Variants in ZFHX3 observed in about 807,000 individuals in gnomAD.
The protein encoded by ZFHX3 is zinc finger homeobox 3, also known as zinc finger homeobox protein 3.
In ZFHX3, 42 loss-of-function variants were observed where a neutral mutation model predicts 279.1. The observed-to-expected ratio is 0.15, with a 90% CI of 0.12 to 0.19. ZFHX3 has a LOEUF of 0.19. ZFHX3 is among the 10% of genes least tolerant of loss of function. The pLI, the probability that ZFHX3 is intolerant of heterozygous loss-of-function variation, is 1.00. For synonymous variants in ZFHX3, 2,293 were observed against 1,957.8 expected, an observed-to-expected ratio of 1.17 and a Z score of -4.52; for missense variants, 4,981 against 4,754.0, an observed-to-expected ratio of 1.05 and a Z score of -1.40.
At chr16:73,042,985 T>C (rs371803420) in intron 1 of ZFHX3, among the ~76,000 whole-genome samples, 32 of 152,002 alleles carry the variant, frequency 2.1e-4, no homozygotes, top group African/African-American at 7.2e-4. Context: ...CGGCCCATCT[T>C]CTCAAGGTGT....
At chr16:73,181,095 GTT>G (rs57727276) in intron 5 of ZFHX3, among the ~76,000 whole-genome samples, 1 of 117,246 alleles carries the variant, frequency 8.5e-6, no homozygotes, top group African/African-American at 2.9e-5. Flanking sequence ...GTTTTGTTTT[GTT>G]TTGTTTTGTT....
chr16:73,343,558 CT>C (rs761219912), intron 3 of ZFHX3, among the ~76,000 whole-genome samples: 1 of 152,112 alleles, frequency 6.6e-6, no homozygotes, highest in Non-Finnish European at 1.5e-5. Flanking sequence ...GACCCCATCT[CT>C]CTAAAACATT....
chr16:73,624,415 C>T (rs1294512266), intron 2 of ZFHX3, among the ~76,000 whole-genome samples: 1 of 152,078 alleles, frequency 6.6e-6, no homozygotes, highest in African/African-American at 2.4e-5. Flanking sequence ...AGGAGAGACG[C>T]AGCTGTCATA....
chr16:72,800,987 G>A (rs145696426), intron 7 of ZFHX3, among the ~76,000 whole-genome samples: 114 of 152,322 alleles, frequency 7.5e-4, no homozygotes, highest in Middle Eastern at 3.4e-3. Context: ...CCTGCCGTAC[G>A]GCCAGAAGCC....
intron 1 of ZFHX3, among the ~76,000 whole-genome samples, chr16:73,695,080 A>G (rs888307065): frequency 6.6e-5 from 10 of 152,208 alleles, no homozygotes; most frequent in Admixed American, 1.3e-4. Flanking sequence ...AGGGATTACA[A>G]AAGAGCTGTA....
At position 73,579,854 on chromosome 16, in the gene ZFHX3, T is replaced by TTATATATATATATATATATATATA. The variant is rs200667144; in HGVS notation, c.-1547+100325_-1547+100326insTATATATATATATATATATATATA. 4.5e-4 allele frequency among the ~76,000 whole-genome samples: 64 copies of TTATATATATATATATATATATATA among 140,912 alleles called. 1 individual carries two copies. The highest frequency in any genetic ancestry group is 1.6e-3 in the African/African-American group (59 of 36,662). 92.4% of individuals were successfully genotyped at this position (140,912 alleles called of 152,430 possible). A position where few individuals can be genotyped will look rare whatever the true frequency, so the allele number is the denominator to read the frequency against. On this transcript the variant is annotated intron_variant, in intron 2 of 17. Coordinates refer to the ZFHX3 transcript ENST00000641206. The stretch of plus-strand genomic sequence containing the variant: ...GGTTCACAAATATATATTATACAGA[T>TTATATATATATATATATATATATA]TATATATATATATATATATACATAC...
At chr16:73,337,890 G>GTC (rs1271451284) in intron 3 of ZFHX3, among the ~76,000 whole-genome samples, 1 of 92,006 alleles carries the variant, frequency 1.1e-5, no homozygotes, top group African/African-American at 3.3e-5. Flanking sequence ...ATCTTCCCTT[G>GTC]GCGGGGGGGG....
intron 3 of ZFHX3, among the ~76,000 whole-genome samples, chr16:73,361,686 G>C (rs144608043): frequency 2.0e-5 from 3 of 152,056 alleles, no homozygotes; most frequent in Non-Finnish European, 4.4e-5. Context: ...GCAAGTTAGG[G>C]GTCTGGTGTC....
chr16:73,141,765 G>A (rs1271564964), intron 6 of ZFHX3, among the ~76,000 whole-genome samples: 1 of 152,122 alleles, frequency 6.6e-6, no homozygotes, highest in Non-Finnish European at 1.5e-5. Flanking sequence ...TATCATTCCA[G>A]TTTTTCAGAT....
At chr16:73,320,127 T>C (rs750417887) in intron 3 of ZFHX3, among the ~76,000 whole-genome samples, 1 of 152,148 alleles carries the variant, frequency 6.6e-6, no homozygotes, top group Non-Finnish European at 1.5e-5. Context: ...GCAATCACTA[T>C]GAAAAGAAAG....
At chr16:73,068,738 C>T (rs1266340643) in intron 8 of ZFHX3, among the ~76,000 whole-genome samples, 1 of 152,182 alleles carries the variant, frequency 6.6e-6, no homozygotes, top group African/African-American at 2.4e-5. Flanking sequence ...TGAGGAAATC[C>T]AGTAGACAGG....
intron 4 of ZFHX3, among the ~76,000 whole-genome samples, chr16:73,310,059 C>T (rs2015289311): frequency 6.6e-6 from 1 of 152,004 alleles, no homozygotes; most frequent in Admixed American, 6.5e-5. Context: ...CAGGTGCCCA[C>T]CACCACGCCT....
intron 1 of ZFHX3, among the ~76,000 whole-genome samples, chr16:73,697,013 AAG>A (rs1264115512): frequency 1.3e-5 from 2 of 152,214 alleles, no homozygotes; most frequent in Admixed American, 6.5e-5. Flanking sequence ...TTAGAAAAGA[AAG>A]GGGAAAATGT....
At chr16:73,346,670 T>A (rs1399013587) in intron 3 of ZFHX3, among the ~76,000 whole-genome samples, 3 of 152,020 alleles carry the variant, frequency 2.0e-5, no homozygotes, top group African/African-American at 7.2e-5. Flanking sequence ...TGGGGTTTCA[T>A]CATGTTGGCC....
At chr16:72,988,128 C>T (rs935337140) in intron 1 of ZFHX3, among the ~76,000 whole-genome samples, 2 of 152,186 alleles carry the variant, frequency 1.3e-5, no homozygotes, top group African/African-American at 2.4e-5. Flanking sequence ...CAGGGCCAGT[C>T]GAGCCTGCAT....
At position 73,004,718 on chromosome 16, in the gene ZFHX3, T is replaced by C. The variant is rs1181436757; in HGVS notation, c.-50+43034A>G. Among the ~76,000 whole-genome samples, 10 of 152,242 alleles carry C rather than the reference T, an allele frequency of 6.6e-5. No homozygotes were observed. In the East Asian group the frequency reaches 1.7e-3, roughly 26 times the overall value. On this transcript the variant is annotated intron_variant, in intron 1 of 9. Coordinates refer to ENST00000268489, the MANE Select transcript of ZFHX3 (RefSeq NM_006885.4). ...ACAGTTTGTCATATGCCTTAAAATT[T>C]TGTGATTAGTGACCAGCATGCACAA...
chr16:73,470,666 T>C (rs1243912153), intron 2 of ZFHX3, among the ~76,000 whole-genome samples: 1 of 152,208 alleles, frequency 6.6e-6, no homozygotes. Flanking sequence ...ATTCATGTAA[T>C]AAGACAGCTC....
At chr16:73,812,108 G>T (rs1032282717) in intron 1 of ZFHX3, among the ~76,000 whole-genome samples, 7 of 152,122 alleles carry the variant, frequency 4.6e-5, no homozygotes, top group Non-Finnish European at 1.0e-4. Context: ...GCTTATGGTG[G>T]TCTTTACCAC....
rs546697928 is a variant in ZFHX3, at chr16:73,301,120, A to G, written c.-1194+17120T>C. Among the ~76,000 whole-genome samples the G allele has an allele frequency of 6.6e-5, 10 of 152,358 alleles. No homozygotes were observed. The South Asian group carries it at 2.1e-3, about 32-fold the overall frequency. ...CCAGAAGTCTCAAATCTGGTTGTGT[A>G]TCAGAGTCCTTTGGATAACTTCAAA... On this transcript the variant is annotated intron_variant, in intron 4 of 17. Coordinates refer to the ZFHX3 transcript ENST00000641206.
Sources: gnomAD v4.1 joint callset for allele counts (sites outside exome capture counted in the v4.1 genomes callset) on GRCh38, gnomAD v4.1.1 for gene constraint, MANE v1.5 for transcripts, NCBI Gene and HGNC (gene_info 2026-07-23, HGNC 2026-07-21) for gene names.